CDKAL1: variants seen among roughly 807,000 people sequenced by gnomAD.
CDKAL1 encodes CDKAL1 threonylcarbamoyladenosine tRNA methylthiotransferase, also known as threonylcarbamoyladenosine tRNA methylthiotransferase.
In CDKAL1, 32 loss-of-function variants were observed where a neutral mutation model predicts 68.2. That is an observed-to-expected ratio of 0.47 (90% CI 0.35 to 0.63). The LOEUF (loss-of-function observed/expected upper bound fraction) is 0.63. Ranked by LOEUF, CDKAL1 falls within the 30% of genes least tolerant of loss-of-function variation. CDKAL1 has a pLI of 0.00. For missense variants in CDKAL1, 606 were observed against 696.7 expected (o/e 0.87, Z 1.47); for synonymous variants, 234 against 244.3 (o/e 0.96, Z 0.39).
intron 6 of CDKAL1, among the ~76,000 whole-genome samples, chr6:20,752,674 C>G (rs1773978037): frequency 6.6e-6 from 1 of 152,112 alleles, no homozygotes; most frequent in South Asian, 2.1e-4. Flanking sequence ...GATCCCGATC[C>G]TTATGAAAGT....
At chr6:20,988,180 A>ATGTGTGTG (rs1491171083) in intron 10 of CDKAL1, among the ~76,000 whole-genome samples, 112 of 34,352 alleles carry the variant, frequency 3.3e-3, no homozygotes, top group Middle Eastern at 0.017. Flanking sequence ...AAGAAACATA[A>ATGTGTGTG]TATGTGTGTG....
chr6:20,621,244 G>A (rs909872639), intron 4 of CDKAL1, among the ~76,000 whole-genome samples: 2 of 152,122 alleles, frequency 1.3e-5, no homozygotes, highest in African/African-American at 4.8e-5. Flanking sequence ...ATGTTCCTCT[G>A]TTAGAATATA....
chr6:20,544,084 A>G (rs1487409839), intron 2 of CDKAL1, among the ~76,000 whole-genome samples: 1 of 152,040 alleles, frequency 6.6e-6, no homozygotes, highest in Non-Finnish European at 1.5e-5. Context: ...TAATTTTTGT[A>G]TAAGGTGCAA....
chr6:21,077,425 A>G (rs1467403654), intron 12 of CDKAL1, among the ~76,000 whole-genome samples: 1 of 152,194 alleles, frequency 6.6e-6, no homozygotes, highest in Non-Finnish European at 1.5e-5. Context: ...TGCATGGTGT[A>G]TTAGTTCATT....
chr6:20,828,846 AG>A (rs1259061298), intron 8 of CDKAL1, among the ~76,000 whole-genome samples: 2 of 152,192 alleles, frequency 1.3e-5, no homozygotes, highest in African/African-American at 2.4e-5. Context: ...CTCATTAAAC[AG>A]TAACTCCCCA....
At chr6:21,009,693 G>A (rs960467304) in intron 11 of CDKAL1, among the ~76,000 whole-genome samples, 7 of 152,194 alleles carry the variant, frequency 4.6e-5, no homozygotes, top group Non-Finnish European at 8.8e-5. Flanking sequence ...TGTCGTGGCA[G>A]CAACATGGAT....
rs189336212 is a variant in CDKAL1 at position 20,971,577 on chromosome 6, T to G, written c.909+15992T>G. 8.5e-5 allele frequency among the ~76,000 whole-genome samples: 13 copies of G among 152,370 alleles called. No homozygotes were observed. In the East Asian group the frequency reaches 2.5e-3, roughly 29 times the overall value. ...TCTGCAGTACATTGTGTTACTGTCATAGAAGTAACAGATTTTAGAATATAA... is the reference window on the plus strand; with the variant it reads ...TCTGCAGTACATTGTGTTACTGTCAGAGAAGTAACAGATTTTAGAATATAA... On this transcript the variant is annotated intron_variant, in intron 10 of 15. Transcript: ENST00000274695.
intron 9 of CDKAL1, among the ~76,000 whole-genome samples, chr6:20,867,231 TA>T (rs1759958613): frequency 6.6e-6 from 1 of 152,314 alleles, no homozygotes; most frequent in Non-Finnish European, 1.5e-5. Context: ...TTTTTAGTTG[TA>T]AATTACCAGA....
intron 10 of CDKAL1, among the ~76,000 whole-genome samples, chr6:20,983,489 G>A (rs189115350): frequency 1.2e-3 from 190 of 152,344 alleles, no homozygotes; most frequent in African/African-American, 4.2e-3. Context: ...GGGAGGCCGA[G>A]GTGGGCAGAT....
intron 13 of CDKAL1, among the ~76,000 whole-genome samples, chr6:21,128,528 A>T (rs1337309293): frequency 6.6e-6 from 1 of 152,244 alleles, no homozygotes; most frequent in Non-Finnish European, 1.5e-5. Context: ...TTTTGCTAAC[A>T]CACTGCCTTT....
intron 9 of CDKAL1, among the ~76,000 whole-genome samples, chr6:20,882,721 G>A (rs1165784246): frequency 6.6e-6 from 1 of 152,042 alleles, no homozygotes; most frequent in Non-Finnish European, 1.5e-5. Flanking sequence ...GCAGTTTGGG[G>A]CAATTATGAA....
intron 12 of CDKAL1, among the ~76,000 whole-genome samples, chr6:21,079,049 G>C (rs1160769872): frequency 6.6e-6 from 1 of 152,132 alleles, no homozygotes; most frequent in Non-Finnish European, 1.5e-5. Flanking sequence ...CTGTGTGAGA[G>C]GAAGAATGGC....
At chr6:20,711,178 G>T (rs1027678911) in intron 5 of CDKAL1, among the ~76,000 whole-genome samples, 1 of 152,096 alleles carries the variant, frequency 6.6e-6, no homozygotes, top group Non-Finnish European at 1.5e-5. Context: ...TCTGTCCTCG[G>T]TGTATACAGT....
intron 11 of CDKAL1, among the ~76,000 whole-genome samples, chr6:21,050,912 C>T (rs1478809291): frequency 2.0e-5 from 3 of 152,188 alleles, no homozygotes; most frequent in Non-Finnish European, 4.4e-5. Flanking sequence ...TTAAACTTCT[C>T]TGTAAAGGCC....
chr6:21,165,218 T>A (rs761077655), intron 13 of CDKAL1, among the ~76,000 whole-genome samples: 7 of 152,328 alleles, frequency 4.6e-5, no homozygotes, highest in Non-Finnish European at 8.8e-5. Context: ...TTAAAATGAC[T>A]ATGCTGTTCT....
At chr6:20,545,612 T>G (rs1304246316) in intron 2 of CDKAL1, among the ~76,000 whole-genome samples, 1 of 152,082 alleles carries the variant, frequency 6.6e-6, no homozygotes, top group Non-Finnish European at 1.5e-5. Flanking sequence ...AATTTTGTAC[T>G]TTTAAAAGAG....
intron 11 of CDKAL1, among the ~76,000 whole-genome samples, chr6:21,002,267 A>G (rs556242925): frequency 1.3e-5 from 2 of 152,292 alleles, no homozygotes; most frequent in East Asian, 1.9e-4. Flanking sequence ...TTTTTCTAGA[A>G]GTATTCAACC....
In CDKAL1 at chr6:20,975,929, T is replaced by A. The variant is rs182278923; in HGVS notation, c.909+20344T>A. Among the ~76,000 whole-genome samples the A allele has an allele frequency of 2.5e-3, 386 of 152,338 alleles. 2 individuals carry two copies. Among genetic ancestry groups the A allele is most frequent in the African/African-American group, 8.7e-3 (360 of 41,586 alleles). ...ATTAAGGTTCACCTTTGATGTAATA[T>A]ATTCTTTGGGTTTTGACAAATGTAT... is the stretch of plus-strand genomic sequence containing the variant. On this transcript the variant is annotated intron_variant, in intron 10 of 15. Coordinates refer to ENST00000274695, the MANE Select transcript of CDKAL1 (RefSeq NM_017774.3).
intron 13 of CDKAL1, among the ~76,000 whole-genome samples, chr6:21,111,600 T>G (rs1236346162): frequency 2.0e-5 from 3 of 152,196 alleles, no homozygotes; most frequent in Non-Finnish European, 4.4e-5. Context: ...AGCCATTGTT[T>G]AGGTTGTAAA....
Sources: allele counts gnomAD v4.1 joint callset (sites outside exome capture counted in the v4.1 genomes callset), GRCh38; gene constraint gnomAD v4.1.1; transcripts MANE v1.5; gene names NCBI Gene and HGNC (gene_info 2026-07-23, HGNC 2026-07-21).